The following VCAN variants were observed in gnomAD, a reference collection of about 807,000 sequenced individuals.
VCAN encodes the protein versican.
A neutral mutation model predicts 245.5 loss-of-function variants in VCAN; 44 were observed. The ratio of observed to expected loss-of-function variants is 0.18; its 90% CI spans 0.14 to 0.23. VCAN has a LOEUF of 0.23. Ranked by LOEUF, VCAN falls within the 10% of genes least tolerant of loss-of-function variation. VCAN has a pLI of 1.00. For missense variants in VCAN, 3,793 were observed against 4,057.9 expected (o/e 0.93, Z 1.77); for synonymous variants, 1,413 against 1,437.0 (o/e 0.98, Z 0.38).
At chr5:83,535,625 G>A (rs1233360960) in intron 7 of VCAN, 2 of 152,068 alleles carry the variant, frequency 1.3e-5, no homozygotes, top group African/African-American at 4.8e-5. Flanking sequence ...TGATGAAACA[G>A]CAAAAGCTAG....
At chr5:83,514,807 T>C (rs574065666) in intron 6 of VCAN, among the ~76,000 whole-genome samples, 1 of 152,306 alleles carries the variant, frequency 6.6e-6, no homozygotes, top group East Asian at 1.9e-4. Context: ...AATGACTTAA[T>C]TGATGTCCAC....
chr5:83,550,847 A>G (rs939592373), intron 10 of VCAN, among the ~76,000 whole-genome samples: 9 of 127,590 alleles, frequency 7.1e-5, no homozygotes, highest in Non-Finnish European at 1.3e-4. Context: ...AGATCATGCC[A>G]CCGCACTCCA....
chr5:83,554,948 T>C lies in VCAN; in HGVS notation c.9653-8T>C. ...GTACAAATATCTGTGTGGTTTCCTATCCCTTAGGTGTGGGCCATGATTATC... is the reference window on the plus strand; with the variant it reads ...GTACAAATATCTGTGTGGTTTCCTACCCCTTAGGTGTGGGCCATGATTATC... On this transcript the variant is annotated splice_region_variant and splice_polypyrimidine_tract_variant and intron_variant, in intron 11 of 14. Coordinates refer to ENST00000265077, the MANE Select transcript of VCAN (RefSeq NM_004385.5). 6.2e-7 allele frequency: 1 copy of C among 1,613,298 alleles called. No homozygotes were observed. The highest frequency in any genetic ancestry group is 8.5e-7 in the Non-Finnish European group (1 of 1,179,378).
Position 83,521,580 on chromosome 5 carries a change from A to G in VCAN, c.3274A>G (p.Thr1092Ala). The stretch of plus-strand genomic sequence containing the variant: ...TTCTGAGAGGGTCCCAGTTTTAGAA[A>G]CAACTCCAGTTGGAAAAATTGATCA... ...TGSERVPVLE[T>A]TPVGKIDHSV... The change falls in exon 7 of 15, where the codon ACA (threonine) becomes GCA (alanine). Residue 1092 changes from threonine to alanine, a missense_variant. Physicochemically the swap from Thr to Ala is moderately conservative, Grantham distance 58. This residue lies in a region of VCAN where 3,182 missense variants were observed against 3,250.3 expected (regional missense o/e 0.98). Coordinates refer to ENST00000265077, the MANE Select transcript of VCAN (RefSeq NM_004385.5). The G allele has an allele frequency of 1.2e-5, 19 of 1,614,088 alleles. No homozygotes were observed. The highest frequency in any genetic ancestry group is 1.5e-5 in the Non-Finnish European group (18 of 1,180,010).
chr5:83,509,202 T>A (rs1745576230), intron 5 of VCAN, among the ~76,000 whole-genome samples: 1 of 152,232 alleles, frequency 6.6e-6, no homozygotes, highest in Non-Finnish European at 1.5e-5. Context: ...AATAAATGAA[T>A]ATCGTATACT....
At chr5:83,549,457 A>AC (rs1365657561) in intron 10 of VCAN, among the ~76,000 whole-genome samples, 3 of 152,234 alleles carry the variant, frequency 2.0e-5, no homozygotes, top group East Asian at 3.9e-4. Context: ...GTTTAATGTC[A>AC]CACAGCTAGT....
At chr5:83,502,623 T>G (rs1201704852) in intron 5 of VCAN, among the ~76,000 whole-genome samples, 1 of 152,240 alleles carries the variant, frequency 6.6e-6, no homozygotes, top group Non-Finnish European at 1.5e-5. Flanking sequence ...TTCCTGCATC[T>G]TTAACCTCTT....
chr5:83,581,949 A>G lies in VCAN; in HGVS notation c.*1515A>G, dbSNP rs775947486. ...GCACATAGAAAAAGAGAAAAAGGGC[A>G]CAAAGGGATTGGCCCAATATTGATT... On this transcript the variant is annotated 3_prime_UTR_variant, in exon 15 of 15. Transcript: ENST00000265077. 1 of 145,632 alleles carries G rather than the reference A, an allele frequency of 6.9e-6. No homozygotes were observed. Among genetic ancestry groups the G allele is most frequent in the Admixed American group, 7.1e-5 (1 of 14,182 alleles). 9.0% of individuals were successfully genotyped at this position (145,632 alleles called of 1,614,324 possible).
chr5:83,519,315 T>C, intron 6 of VCAN, 34 bp from the exon 7 acceptor site: 1 of 1,610,194 alleles, frequency 6.2e-7, no homozygotes, highest in Non-Finnish European at 8.5e-7. Context: ...TATTAGTGAC[T>C]TGTCTAATCA....
chr5:83,579,637 G>A (rs2652108), intron 13 of VCAN, among the ~76,000 whole-genome samples: 21 of 152,244 alleles, frequency 1.4e-4, no homozygotes, highest in East Asian at 1.2e-3. Flanking sequence ...AGGTAATTAA[G>A]AAATAAAAAC....
intron 5 of VCAN, 93 bp from the exon 6 acceptor site, chr5:83,512,010 A>G: frequency 1.3e-6 from 2 of 1,543,600 alleles, no homozygotes; most frequent in South Asian, 1.1e-5. Flanking sequence ...AAAGTATTAC[A>G]TGCTCCTCCA....
At position 83,500,749 on chromosome 5, in the gene VCAN, G is replaced by T. The variant is rs574592593; in HGVS notation, c.748+6818G>T. The stretch of plus-strand genomic sequence containing the variant: ...CAAGAAGATAAAAAGTACCCTCAAA[G>T]CTCCCTCAAATCTCTGATATCTCAT... On this transcript the variant is annotated intron_variant, in intron 5 of 14. Transcript: ENST00000265077. 1.6e-4 allele frequency among the ~76,000 whole-genome samples: 24 copies of T among 152,172 alleles called. No homozygotes were observed. In the South Asian group the frequency reaches 3.7e-3, roughly 24 times the overall value.
rs1748645262 is a variant in VCAN, at chr5:83,580,765, G to C, written c.*331G>C. 5.7e-6 allele frequency: 2 copies of C among 348,280 alleles called. No homozygotes were observed. The highest frequency in any genetic ancestry group is 4.2e-5 in the African/African-American group (2 of 47,148). 21.6% of individuals were successfully genotyped at this position (348,280 alleles called of 1,614,324 possible). ...AAAATGCTCAATTTCAGCACCGATG[G>C]CCATGTAAATAAGATGATTTAATGT... is the stretch of plus-strand genomic sequence containing the variant. On this transcript the variant is annotated 3_prime_UTR_variant, in exon 15 of 15. Transcript: ENST00000265077.
intron 13 of VCAN, among the ~76,000 whole-genome samples, chr5:83,576,442 T>C (rs544364216): frequency 6.6e-6 from 1 of 152,182 alleles, no homozygotes; most frequent in Non-Finnish European, 1.5e-5. Flanking sequence ...CTTGTATAAC[T>C]ATACAACATT....
At position 83,471,840 on chromosome 5, in the gene VCAN, G is replaced by C. The variant is rs1432494618; in HGVS notation, c.-190G>C. 2 of 398,152 alleles carry C rather than the reference G, an allele frequency of 5.0e-6. No individual in the cohort carries two copies. The highest frequency in any genetic ancestry group is 8.9e-6 in the Non-Finnish European group (2 of 225,980). 24.7% of individuals were successfully genotyped at this position (398,152 alleles called of 1,614,324 possible). A position where few individuals can be genotyped will look rare whatever the true frequency, so the allele number is the denominator to read the frequency against. On this transcript the variant is annotated 5_prime_UTR_variant, in exon 1 of 15. Coordinates refer to ENST00000265077, the MANE Select transcript of VCAN (RefSeq NM_004385.5). Reference sequence around the variant, plus strand: ...CGAGAACATTAGGTGTTGTGGACAGGAGCTGGGACCAAGATCTTCGGCCAG... The same window carrying C: ...CGAGAACATTAGGTGTTGTGGACAGCAGCTGGGACCAAGATCTTCGGCCAG...
At position 83,580,450 on chromosome 5, in the gene VCAN, A is replaced by G. The variant is rs1480061987; in HGVS notation, c.*16A>G. The G allele has an allele frequency of 6.2e-7, 1 of 1,613,412 alleles. No individual in the cohort carries two copies. ...GAGGCGCTGATCCCTAAAATGGCGA[A>G]CATGTGTTTTCATCATTTCAGCCAA... On this transcript the variant is annotated 3_prime_UTR_variant, in exon 15 of 15. Coordinates refer to ENST00000265077, the MANE Select transcript of VCAN (RefSeq NM_004385.5).
At chr5:83,514,538 C>A (rs929680206) in intron 6 of VCAN, among the ~76,000 whole-genome samples, 1 of 151,472 alleles carries the variant, frequency 6.6e-6, no homozygotes, top group Non-Finnish European at 1.5e-5. Context: ...GCAAGCTTCA[C>A]CTTCCAGGTT....
At chr5:83,523,588 G>T (rs966967716) in intron 7 of VCAN, among the ~76,000 whole-genome samples, 2 of 152,014 alleles carry the variant, frequency 1.3e-5, no homozygotes, top group Non-Finnish European at 2.9e-5. Flanking sequence ...GACACTTCAT[G>T]GCTTCTATAG....
chr5:83,481,764 T>C (rs1448840408), intron 1 of VCAN, among the ~76,000 whole-genome samples: 1 of 152,188 alleles, frequency 6.6e-6, no homozygotes, highest in Non-Finnish European at 1.5e-5. Context: ...TTTAAAAATT[T>C]TGTTTTGAAA....
Sources: allele counts gnomAD v4.1 joint callset (sites outside exome capture counted in the v4.1 genomes callset), GRCh38; gene constraint gnomAD v4.1.1; regional missense constraint gnomAD v4.1.1; transcripts MANE v1.5; gene names NCBI Gene and HGNC (gene_info 2026-07-23, HGNC 2026-07-21).